Variants in DYM observed in about 807,000 individuals in gnomAD.
DYM encodes dymeclin.
A neutral mutation model predicts 93.1 loss-of-function variants in DYM; 78 were observed. That is an observed-to-expected ratio of 0.84 (90% CI 0.70 to 1.01). The LOEUF is 1.01. Among genes scored for constraint, DYM ranks in the 50% least tolerant of loss-of-function variants. The pLI is 0.00. For synonymous variants in DYM, 321 were observed against 319.7 expected, an observed-to-expected ratio of 1.00 and a Z score of -0.04; for missense variants, 789 against 845.0, an observed-to-expected ratio of 0.93 and a Z score of 0.82.
At chr18:49,155,571 ATCT>A (rs2086311262) in intron 15 of DYM, among the ~76,000 whole-genome samples, 1 of 152,234 alleles carries the variant, frequency 6.6e-6, no homozygotes, top group Non-Finnish European at 1.5e-5. Context: ...GCCCTAAGGC[ATCT>A]ACTATCTACC....
intron 1 of DYM, among the ~76,000 whole-genome samples, chr18:49,458,244 CT>C (rs2083169586): frequency 6.6e-6 from 1 of 152,094 alleles, no homozygotes; most frequent in Non-Finnish European, 1.5e-5. Context: ...ACATATTTCA[CT>C]TCTATTTCTC....
intron 2 of DYM, among the ~76,000 whole-genome samples, chr18:49,428,592 C>A (rs1387066385): frequency 1.3e-5 from 2 of 152,036 alleles, no homozygotes; most frequent in Non-Finnish European, 2.9e-5. Flanking sequence ...AGGCTGAGGC[C>A]GAAGAATTGC....
intron 9 of DYM, among the ~76,000 whole-genome samples, chr18:49,285,478 G>C (rs2095100230): frequency 6.6e-6 from 1 of 152,184 alleles, no homozygotes; most frequent in Non-Finnish European, 1.5e-5. Context: ...GATTCCATGT[G>C]ATTATAATAC....
chr18:49,423,754 G>A (rs2073976481), intron 2 of DYM, among the ~76,000 whole-genome samples: 1 of 152,122 alleles, frequency 6.6e-6, no homozygotes, highest in African/African-American at 2.4e-5. Flanking sequence ...TACCATCAGA[G>A]AATACTATAA....
At chr18:49,148,199 G>A (rs1279644591) in intron 15 of DYM, among the ~76,000 whole-genome samples, 1 of 152,090 alleles carries the variant, frequency 6.6e-6, no homozygotes, top group African/African-American at 2.4e-5. Context: ...GTTGTTGGGT[G>A]GGAGGAGAGG....
intron 8 of DYM, among the ~76,000 whole-genome samples, chr18:49,318,074 T>G (rs1309176289): frequency 6.6e-6 from 1 of 152,150 alleles, no homozygotes; most frequent in African/African-American, 2.4e-5. Flanking sequence ...CTCTGCTCCA[T>G]GCCTACACCT....
At chr18:49,316,066 G>C (rs1258666550) in intron 8 of DYM, among the ~76,000 whole-genome samples, 2 of 152,200 alleles carry the variant, frequency 1.3e-5, no homozygotes, top group African/African-American at 4.8e-5. Context: ...CAGATTGCTT[G>C]AGGTCAGGAG....
rs566135443 is a variant in DYM at position 49,115,501 on chromosome 18, G to A, written c.1911+3243C>T. The stretch of plus-strand genomic sequence containing the variant: ...TTTTTTAAAGGAAAAAAGAAAGATA[G>A]GAAGGAATGAAAAAAGAAATTGGAA... On this transcript the variant is annotated intron_variant, in intron 16 of 17. Coordinates refer to ENST00000675505, the MANE Select transcript of DYM (RefSeq NM_001353214.3). 2.9e-4 allele frequency among the ~76,000 whole-genome samples: 44 copies of A among 152,218 alleles called. No individual in the cohort carries two copies. The South Asian group carries it at 8.7e-3, about 30-fold the overall frequency.
chr18:49,146,968 A>C (rs1436873870), intron 15 of DYM, among the ~76,000 whole-genome samples: 1 of 152,212 alleles, frequency 6.6e-6, no homozygotes, highest in African/African-American at 2.4e-5. Flanking sequence ...ACAGTAACCA[A>C]AACAGCATGG....
At chr18:49,129,102 G>A (rs527369243) in intron 15 of DYM, among the ~76,000 whole-genome samples, 2 of 151,616 alleles carry the variant, frequency 1.3e-5, no homozygotes, top group South Asian at 4.2e-4. Flanking sequence ...ACAAATAGGG[G>A]TGTAATAAGC....
chr18:49,139,092 T>C (rs780669358), intron 15 of DYM, among the ~76,000 whole-genome samples: 2 of 152,144 alleles, frequency 1.3e-5, no homozygotes, highest in Admixed American at 6.5e-5. Context: ...TTGAAAACGA[T>C]TTCAAAAATT....
At chr18:49,201,611 A>G (rs906350496) in intron 14 of DYM, among the ~76,000 whole-genome samples, 9 of 152,258 alleles carry the variant, frequency 5.9e-5, no homozygotes, top group African/African-American at 2.2e-4. Flanking sequence ...GCCCTGGAGA[A>G]TGTAACTCGT....
At chr18:49,365,187 T>C (rs2066411441) in intron 5 of DYM, among the ~76,000 whole-genome samples, 1 of 152,206 alleles carries the variant, frequency 6.6e-6, no homozygotes, top group Non-Finnish European at 1.5e-5. Flanking sequence ...ATTTCTTTTC[T>C]AGGCTACAAT....
chr18:49,172,070 C>G (rs2088816412), intron 14 of DYM, among the ~76,000 whole-genome samples: 1 of 152,170 alleles, frequency 6.6e-6, no homozygotes, highest in South Asian at 2.1e-4. Flanking sequence ...AACCACTGAT[C>G]TGCTTCCTGT....
At chr18:49,092,423 C>T (rs1415597472) in intron 17 of DYM, among the ~76,000 whole-genome samples, 2 of 152,202 alleles carry the variant, frequency 1.3e-5, no homozygotes, top group South Asian at 2.1e-4. Context: ...GTCTCCACTC[C>T]TTCTTCCAGA....
At chr18:49,342,186 T>A (rs2064215638) in intron 6 of DYM, among the ~76,000 whole-genome samples, 1 of 152,194 alleles carries the variant, frequency 6.6e-6, no homozygotes, top group African/African-American at 2.4e-5. Context: ...CTGAGGGCAA[T>A]TCTTGGCTTC....
At chr18:49,368,038 A>G (rs2066673511) in intron 5 of DYM, among the ~76,000 whole-genome samples, 1 of 152,210 alleles carries the variant, frequency 6.6e-6, no homozygotes, top group South Asian at 2.1e-4. Context: ...CTTGTAGGTT[A>G]ATCATAAAGA....
At chr18:49,419,984 G>A (rs2073459115) in intron 2 of DYM, among the ~76,000 whole-genome samples, 1 of 152,056 alleles carries the variant, frequency 6.6e-6, no homozygotes, top group African/African-American at 2.4e-5. Context: ...ATTCTGCAAG[G>A]ATTAAGGAAA....
At chr18:49,289,503 A>C (rs147618422) in intron 8 of DYM, among the ~76,000 whole-genome samples, 17 of 148,346 alleles carry the variant, frequency 1.1e-4, no homozygotes, top group African/African-American at 3.7e-4. Flanking sequence ...GAAGTTGAAG[A>C]CCAGCCTGGG....
Sources: allele counts gnomAD v4.1 joint callset (sites outside exome capture counted in the v4.1 genomes callset), GRCh38; gene constraint gnomAD v4.1.1; transcripts MANE v1.5; gene names NCBI Gene and HGNC (gene_info 2026-07-23, HGNC 2026-07-21).